Variants in MICOS10 observed in about 807,000 individuals in gnomAD.
MICOS10 encodes the protein mitochondrial contact site and cristae organizing system subunit 10, also known as MICOS complex subunit MIC10.
Under a neutral mutation model 13.4 loss-of-function variants are expected in MICOS10, and 5 were observed. That is an observed-to-expected ratio of 0.37 (90% CI 0.20 to 0.78). MICOS10 has a LOEUF of 0.78. Ranked by LOEUF, MICOS10 falls within the 30% of genes least tolerant of loss-of-function variation. The pLI is 0.47. For synonymous variants in MICOS10, 35 were observed against 33.6 expected, an observed-to-expected ratio of 1.04 and a Z score of -0.15; for missense variants, 101 against 94.6, an observed-to-expected ratio of 1.07 and a Z score of -0.28.
At chr1:19,604,838 G>C (rs540901398) in intron 1 of MICOS10, among the ~76,000 whole-genome samples, 1 of 152,226 alleles carries the variant, frequency 6.6e-6, no homozygotes, top group African/African-American at 2.4e-5. Flanking sequence ...CCCCCATTTT[G>C]GAAAATATGC....
intron 1 of MICOS10, among the ~76,000 whole-genome samples, chr1:19,599,303 AT>A (rs1290951253): frequency 1.6e-4 from 24 of 151,930 alleles, no homozygotes; most frequent in East Asian, 1.4e-3. Context: ...GTGATCCATC[AT>A]CCTCAGCCTC....
chr1:19,600,885 G>A (rs935452154), intron 1 of MICOS10: 5 of 1,289,300 alleles, frequency 3.9e-6, no homozygotes, highest in Middle Eastern at 2.1e-4. Flanking sequence ...ACAGGCATGA[G>A]CCACCACACC....
rs2745231 is a variant in MICOS10, at chr1:19,623,663, T to G, written c.222+80T>G. The G allele has an allele frequency of 0.028, 26,811 of 973,176 alleles. 4,698 individuals are homozygous for G. The African/African-American group carries it at 0.38, about 14-fold the overall frequency. 60.3% of individuals were successfully genotyped at this position (973,176 alleles called of 1,614,324 possible). A position where few individuals can be genotyped will look rare whatever the true frequency, so the allele number is the denominator to read the frequency against. ...GCCCTGAAGAATTCTTTAGACTGTT[T>G]GTAATGAGTAAACCATGTGTGTCAT... is the stretch of plus-strand genomic sequence containing the variant. On this transcript the variant is annotated intron_variant, in intron 3 of 3. Coordinates refer to ENST00000322753, the MANE Select transcript of MICOS10 (RefSeq NM_001032363.4).
At chr1:19,617,251 T>C in intron 1 of MICOS10, 1 of 984,614 alleles carries the variant, frequency 1.0e-6, no homozygotes, top group African/African-American at 1.7e-5. Context: ...TTGCTTGTTC[T>C]AATCAGAATC....
intron 1 of MICOS10, among the ~76,000 whole-genome samples, chr1:19,610,746 C>T (rs1027933533): frequency 1.3e-5 from 2 of 152,024 alleles, no homozygotes; most frequent in East Asian, 1.9e-4. Flanking sequence ...TTAGAACAAA[C>T]GTTTCTGATT....
In MICOS10 at chr1:19,628,189, CT is replaced by C. The variant is rs2094927866; in HGVS notation, c.*1789del. 6.6e-6 allele frequency: 1 copy of C among 152,264 alleles called. No homozygotes were observed. Among genetic ancestry groups the C allele is most frequent in the Non-Finnish European group, 1.5e-5 (1 of 68,134 alleles). The allele number at this position is 152,264 out of a possible 1,614,324, so 9.4% of individuals were successfully genotyped here. A position where few individuals can be genotyped will look rare whatever the true frequency, so the allele number is the denominator to read the frequency against. On this transcript the variant is annotated 3_prime_UTR_variant, in exon 4 of 4. Coordinates refer to ENST00000322753, the MANE Select transcript of MICOS10 (RefSeq NM_001032363.4). ...CGCTTCCTGGGTTCAAGCGCTTCTC[CT>C]GCCTCAGCCTCCCGAGTAGCTGGGA...
rs2064293 is a variant in MICOS10, at chr1:19,596,991, G to A, written c.-55G>A. On this transcript the variant is annotated 5_prime_UTR_variant, in exon 1 of 4. Coordinates refer to ENST00000322753, the MANE Select transcript of MICOS10 (RefSeq NM_001032363.4). ...GTTTCCAGCTCTCGCGAGACTTTCA[G>A]GGGTCGGAGCGCGGGGGCCGGCCGA... The A allele has an allele frequency of 4.5e-6, 7 of 1,540,362 alleles. No individual in the cohort carries two copies. The highest frequency in any genetic ancestry group is 2.4e-5 in the South Asian group (2 of 84,562).
rs943632177 is a variant in MICOS10, at chr1:19,626,686, T to C, written c.*285T>C. 1 of 385,098 alleles carries C rather than the reference T, an allele frequency of 2.6e-6. No individual in the cohort carries two copies. Among genetic ancestry groups the C allele is most frequent in the African/African-American group, 2.0e-5 (1 of 49,174 alleles). The allele number at this position is 385,098 out of a possible 1,614,324, so 23.9% of individuals were successfully genotyped here. On this transcript the variant is annotated 3_prime_UTR_variant, in exon 4 of 4. Transcript: ENST00000322753. Reference sequence around the variant, plus strand: ...TGGTCTCTGAGCATGAGGAGGACTGTGTGTGAACTGCCAGCAGCTGTAGCC... The same window carrying C: ...TGGTCTCTGAGCATGAGGAGGACTGCGTGTGAACTGCCAGCAGCTGTAGCC...
intron 1 of MICOS10, among the ~76,000 whole-genome samples, chr1:19,615,572 CTT>C (rs773334037): frequency 6.6e-6 from 1 of 152,162 alleles, no homozygotes; most frequent in South Asian, 2.1e-4. Context: ...TTGTACAACA[CTT>C]TCCTTTTTTT....
chr1:19,613,305 A>C (rs2100292364), intron 1 of MICOS10, among the ~76,000 whole-genome samples: 1 of 152,322 alleles, frequency 6.6e-6, no homozygotes, highest in African/African-American at 2.4e-5. Flanking sequence ...CATAAAGTAC[A>C]CATCTGATAT....
intron 3 of MICOS10, among the ~76,000 whole-genome samples, chr1:19,625,867 C>T (rs1336566200): frequency 6.6e-6 from 1 of 152,156 alleles, no homozygotes; most frequent in African/African-American, 2.4e-5. Flanking sequence ...AAAATCCCAA[C>T]CTGGGCTTAT....
chr1:19,621,783 A>G (rs1368922364), intron 1 of MICOS10, among the ~76,000 whole-genome samples: 1 of 152,164 alleles, frequency 6.6e-6, no homozygotes, highest in East Asian at 1.9e-4. Flanking sequence ...AGGAGAGCCC[A>G]GGATGCTGGA....
At chr1:19,622,239 T>A in intron 2 of MICOS10, 92 bp downstream of exon 2, 1 of 1,037,366 alleles carries the variant, frequency 9.6e-7, no homozygotes, top group Non-Finnish European at 1.4e-6. Flanking sequence ...AACCCATCAA[T>A]TTGTGGGTTG....
At chr1:19,602,290 G>A (rs572327378) in intron 1 of MICOS10, among the ~76,000 whole-genome samples, 39 of 152,296 alleles carry the variant, frequency 2.6e-4, no homozygotes, top group African/African-American at 9.4e-4. Flanking sequence ...TTTATTAACT[G>A]AATGAATTAG....
intron 1 of MICOS10, among the ~76,000 whole-genome samples, chr1:19,617,928 T>C (rs544495472): frequency 7.9e-5 from 12 of 151,966 alleles, no homozygotes; most frequent in African/African-American, 2.9e-4. Flanking sequence ...TGTATATATA[T>C]ACACATACAC....
intron 1 of MICOS10, among the ~76,000 whole-genome samples, chr1:19,607,914 T>C (rs1045036432): frequency 2.0e-5 from 3 of 152,174 alleles, no homozygotes; most frequent in African/African-American, 4.8e-5. Context: ...GACCCATACA[T>C]ACATGGTCAA....
At chr1:19,613,366 A>G (rs1224840334) in intron 1 of MICOS10, among the ~76,000 whole-genome samples, 1 of 152,238 alleles carries the variant, frequency 6.6e-6, no homozygotes, top group Non-Finnish European at 1.5e-5. Context: ...CTTACAGGGT[A>G]GAGGCCACGA....
Position 19,597,015 on chromosome 1 carries a change from G to C in MICOS10, c.-31G>C. ...AGGGGTCGGAGCGCGGGGGCCGGCC[G>C]AGAGGAAAGCTGGAGGCGCGGGTGG... On this transcript the variant is annotated 5_prime_UTR_variant, in exon 1 of 4. Coordinates refer to ENST00000322753, the MANE Select transcript of MICOS10 (RefSeq NM_001032363.4). 1.3e-6 allele frequency: 2 copies of C among 1,571,854 alleles called. No homozygotes were observed. Among genetic ancestry groups the C allele is most frequent in the Non-Finnish European group, 1.7e-6 (2 of 1,162,604 alleles).
chr1:19,629,291 G>A lies in MICOS10; in HGVS notation c.*2890G>A, dbSNP rs2094931246. The stretch of plus-strand genomic sequence containing the variant: ...GGAAATTCATGGGTTTGGGGAGACA[G>A]CGATGGGAACCCAGCAGGGCACAGG... On this transcript the variant is annotated 3_prime_UTR_variant, in exon 4 of 4. Transcript: ENST00000322753. The A allele has an allele frequency of 6.6e-6, 1 of 152,254 alleles. No homozygotes were observed. The highest frequency in any genetic ancestry group is 1.5e-5 in the Non-Finnish European group (1 of 68,050). 9.4% of individuals were successfully genotyped at this position (152,254 alleles called of 1,614,324 possible).
Sources: gnomAD v4.1 joint callset for allele counts (sites outside exome capture counted in the v4.1 genomes callset) on GRCh38, gnomAD v4.1.1 for gene constraint, MANE v1.5 for transcripts, NCBI Gene and HGNC (gene_info 2026-07-23, HGNC 2026-07-21) for gene names.